PGM5: variants seen among roughly 807,000 people sequenced by gnomAD.
PGM5 encodes phosphoglucomutase-like protein 5.
In PGM5, 23 loss-of-function variants were observed where a neutral mutation model predicts 59.2. That is an observed-to-expected ratio of 0.39 (90% CI 0.28 to 0.55). PGM5 has a LOEUF of 0.55. Among genes scored for constraint, PGM5 ranks in the 20% least tolerant of loss-of-function variants. The pLI, the probability that PGM5 is intolerant of heterozygous loss-of-function variation, is 0.66. For synonymous variants in PGM5, 214 were observed against 286.0 expected (o/e 0.75, Z 2.54); for missense variants, 574 against 748.3 (o/e 0.77, Z 2.72).
chr9:68,523,704 G>A (rs577040660), intron 10 of PGM5, among the ~76,000 whole-genome samples: 2 of 152,230 alleles, frequency 1.3e-5, no homozygotes, highest in African/African-American at 4.8e-5. Context: ...CCCGAAAGAT[G>A]AACTATGGTA....
intron 6 of PGM5, among the ~76,000 whole-genome samples, chr9:68,410,300 A>T (rs187507480): frequency 6.6e-6 from 1 of 152,360 alleles, no homozygotes; most frequent in Non-Finnish European, 1.5e-5. Flanking sequence ...CTTCATTCTG[A>T]ATGGCCACGA....
At chr9:68,401,889 A>ATG (rs1327827891) in intron 6 of PGM5, among the ~76,000 whole-genome samples, 266 of 9,290 alleles carry the variant, frequency 0.029, 1 homozygote, top group African/African-American at 0.067. Flanking sequence ...ATATATATAT[A>ATG]TGTGTGTGTG....
chr9:68,395,212 C>G (rs1822469379), intron 6 of PGM5, among the ~76,000 whole-genome samples: 1 of 151,992 alleles, frequency 6.6e-6, no homozygotes, highest in Non-Finnish European at 1.5e-5. Flanking sequence ...CCAGTTTTTC[C>G]AATCCCATTT....
At chr9:68,366,739 T>C (rs1428737436) in intron 1 of PGM5, among the ~76,000 whole-genome samples, 4 of 152,076 alleles carry the variant, frequency 2.6e-5, no homozygotes, top group East Asian at 3.9e-4. Flanking sequence ...CTAGGGTTTA[T>C]TTCCTCATTT....
At chr9:68,524,339 C>G (rs1824941844) in intron 10 of PGM5, among the ~76,000 whole-genome samples, 1 of 152,136 alleles carries the variant, frequency 6.6e-6, no homozygotes, top group Non-Finnish European at 1.5e-5. Context: ...CATTAATGGA[C>G]AGCAAACATC....
intron 6 of PGM5, among the ~76,000 whole-genome samples, chr9:68,401,991 G>A (rs868911867): frequency 1.1e-3 from 162 of 151,996 alleles, no homozygotes; most frequent in African/African-American, 3.6e-3. Flanking sequence ...GGCTGGGCGC[G>A]GTGGCTCACG....
At chr9:68,416,326 T>A (rs1487923247) in intron 6 of PGM5, among the ~76,000 whole-genome samples, 1 of 152,242 alleles carries the variant, frequency 6.6e-6, no homozygotes, top group Non-Finnish European at 1.5e-5. Context: ...CGTCAGCTCC[T>A]TTAACCCTTG....
chr9:68,395,162 C>T (rs1232912450), intron 6 of PGM5, among the ~76,000 whole-genome samples: 3 of 152,132 alleles, frequency 2.0e-5, no homozygotes, highest in East Asian at 1.9e-4. Context: ...TTTTTGAGCA[C>T]GGTATAAGGT....
At chr9:68,421,352 C>T (rs1345236835) in intron 6 of PGM5, among the ~76,000 whole-genome samples, 1 of 152,134 alleles carries the variant, frequency 6.6e-6, no homozygotes, top group Non-Finnish European at 1.5e-5. Flanking sequence ...GATGGTCTCT[C>T]TTCTGTTTGG....
At chr9:68,392,526 G>A (rs1221232615) in intron 6 of PGM5, 53 bp downstream of exon 6, 5 of 1,594,786 alleles carry the variant, frequency 3.1e-6, no homozygotes, top group African/African-American at 1.4e-5. Context: ...TGGCGTTGAT[G>A]TCTCCTTTGT....
chr9:68,508,470 T>C (rs570999409), intron 10 of PGM5, among the ~76,000 whole-genome samples: 43 of 152,256 alleles, frequency 2.8e-4, no homozygotes, highest in Non-Finnish European at 4.0e-4. Context: ...TTTTTCCTTA[T>C]AATGCTATTC....
chr9:68,371,552 T>G (rs1821731393), intron 1 of PGM5: 2 of 152,322 alleles, frequency 1.3e-5, no homozygotes, highest in South Asian at 4.1e-4. Context: ...AAAGAGTTTT[T>G]GTTTATAGAA....
chr9:68,461,291 A>G (rs1823855151), intron 6 of PGM5, among the ~76,000 whole-genome samples: 1 of 152,146 alleles, frequency 6.6e-6, no homozygotes, highest in South Asian at 2.1e-4. Context: ...CAGATCTGAA[A>G]GAGGAGTTCC....
At chr9:68,467,511 T>C (rs1405005583) in intron 7 of PGM5, among the ~76,000 whole-genome samples, 1 of 152,206 alleles carries the variant, frequency 6.6e-6, no homozygotes, top group Non-Finnish European at 1.5e-5. Flanking sequence ...CTGATTTGCA[T>C]ATCCTAAAGA....
At chr9:68,394,250 C>T (rs1409040836) in intron 6 of PGM5, 2 of 151,964 alleles carry the variant, frequency 1.3e-5, no homozygotes, top group African/African-American at 4.8e-5. Context: ...TAAATTTTAC[C>T]TTATGAATGA....
chr9:68,361,846 T>C (rs1163748239), intron 1 of PGM5, among the ~76,000 whole-genome samples: 2 of 152,134 alleles, frequency 1.3e-5, no homozygotes, highest in Middle Eastern at 3.4e-3. Context: ...TTTTAAAGAC[T>C]ATTTCATAGG....
At chr9:68,451,567 C>G (rs1823696717) in intron 6 of PGM5, among the ~76,000 whole-genome samples, 1 of 152,196 alleles carries the variant, frequency 6.6e-6, no homozygotes. Flanking sequence ...CATAAACACA[C>G]ATTCAGAGAG....
At position 68,357,424 on chromosome 9, in the gene PGM5, C is replaced by A. The variant is rs782376464; in HGVS notation, c.261+36C>A. On this transcript the variant is annotated intron_variant, in intron 1 of 10. Coordinates refer to ENST00000396396, the MANE Select transcript of PGM5 (RefSeq NM_021965.4). ...GGATGCCCCTCGCTTCCCGCCGCGC[C>A]GCCGCCATGCCCTCTCCTAGCCCTT... 28 of 1,544,994 alleles carry A rather than the reference C, an allele frequency of 1.8e-5. No homozygotes were observed. In the East Asian group the frequency reaches 4.9e-4, roughly 27 times the overall value.
At chr9:68,446,379 C>T (rs925863149) in intron 6 of PGM5, among the ~76,000 whole-genome samples, 1 of 152,364 alleles carries the variant, frequency 6.6e-6, no homozygotes, top group Admixed American at 6.5e-5. Context: ...GTCTTCGTTG[C>T]GTCCAACCTT....
Sources: allele counts gnomAD v4.1 joint callset (sites outside exome capture counted in the v4.1 genomes callset), GRCh38; gene constraint gnomAD v4.1.1; transcripts MANE v1.5; gene names NCBI Gene and HGNC (gene_info 2026-07-23, HGNC 2026-07-21).